The following AGPAT5 variants were observed in gnomAD, a reference collection of about 807,000 sequenced individuals.
The protein encoded by AGPAT5 is 1-acylglycerol-3-phosphate O-acyltransferase 5.
In AGPAT5, 46 loss-of-function variants were observed where a neutral mutation model predicts 45.6. The ratio of observed to expected loss-of-function variants is 1.01; its 90% confidence interval spans 0.80 to 1.29. The LOEUF is 1.29. AGPAT5 is among the 50% of genes most tolerant of loss of function. The pLI is 0.00. For synonymous variants in AGPAT5, 272 were observed against 167.0 expected (o/e 1.63, Z -4.85); for missense variants, 673 against 450.7 (o/e 1.49, Z -4.47).
intron 1 of AGPAT5, among the ~76,000 whole-genome samples, chr8:6,721,711 A>G (rs983179332): frequency 6.6e-6 from 1 of 152,208 alleles, no homozygotes; most frequent in African/African-American, 2.4e-5. Flanking sequence ...TTACAGTATA[A>G]GGGAGAGCAG....
Position 6,743,088 on chromosome 8 carries a change from C to G in AGPAT5, c.586+1337C>G, listed in dbSNP as rs777869279. Among the ~76,000 whole-genome samples, 52 of 152,206 alleles carry G rather than the reference C, an allele frequency of 3.4e-4. 1 individual carries two copies. The highest frequency in any genetic ancestry group is 3.7e-4 in the Non-Finnish European group (25 of 68,026). ...GTTTTGGTCTGATTTGAAATTCTCT[C>G]CCTAGACTTCTGTGGGGCTGTTCTC... is the stretch of plus-strand genomic sequence containing the variant. On this transcript the variant is annotated intron_variant, in intron 5 of 7. Coordinates refer to ENST00000285518, the MANE Select transcript of AGPAT5 (RefSeq NM_018361.5).
intron 1 of AGPAT5, among the ~76,000 whole-genome samples, chr8:6,723,168 T>C (rs1015207764): frequency 3.3e-5 from 5 of 152,130 alleles, no homozygotes; most frequent in Admixed American, 3.3e-4. Flanking sequence ...GTGACAAAAG[T>C]GTAAATAATT....
rs991249875 is a variant in AGPAT5 at position 6,743,466 on chromosome 8, T to C, written c.586+1715T>C. Among the ~76,000 whole-genome samples, 6 of 152,354 alleles carry C rather than the reference T, an allele frequency of 3.9e-5. No individual in the cohort carries two copies. In the East Asian group the frequency reaches 5.8e-4, roughly 15 times the overall value. On this transcript the variant is annotated intron_variant, in intron 5 of 7. Coordinates refer to ENST00000285518, the MANE Select transcript of AGPAT5 (RefSeq NM_018361.5). ...TCCATGCATACACTCATATTTCTTG[T>C]CTTGGTAACTCCATCATTCAGTTTT...
intron 1 of AGPAT5, 34 bp downstream of exon 1, chr8:6,708,921 C>A: frequency 6.4e-7 from 1 of 1,574,562 alleles, no homozygotes; most frequent in African/African-American, 1.3e-5. Flanking sequence ...TCTCGGCGTC[C>A]ACCCGAGCTC....
chr8:6,730,778 G>A lies in AGPAT5; in HGVS notation c.357G>A (p.Leu119=). The A allele has an allele frequency of 6.2e-7, 1 of 1,613,538 alleles. No individual in the cohort carries two copies. The highest frequency in any genetic ancestry group is 8.5e-7 in the Non-Finnish European group (1 of 1,179,636). Reference sequence around the variant, plus strand: ...CGCTAGGACATGTGCGCTACGTGCTGAAAGAAGGGTTAAAATGGCTGCCAT... The same window carrying A: ...CGCTAGGACATGTGCGCTACGTGCTAAAAGAAGGGTTAAAATGGCTGCCAT... ...QNALGHVRYV[L]KEGLKWLPLY... The change falls in exon 3 of 8, where the codon CTG becomes CTA. Residue 119 remains leucine, a synonymous_variant. Coordinates refer to ENST00000285518, the MANE Select transcript of AGPAT5 (RefSeq NM_018361.5).
At chr8:6,741,932 CTAT>C (rs1234256620) in intron 5 of AGPAT5, among the ~76,000 whole-genome samples, 181 bp downstream of exon 5, 2 of 152,090 alleles carry the variant, frequency 1.3e-5, no homozygotes, top group African/African-American at 4.8e-5. Flanking sequence ...CACTTTCATG[CTAT>C]TATTACATAT....
chr8:6,729,901 C>A (rs10088817), intron 2 of AGPAT5, among the ~76,000 whole-genome samples: 1 of 152,150 alleles, frequency 6.6e-6, no homozygotes, highest in African/African-American at 2.4e-5. Flanking sequence ...GCACATATAT[C>A]TACCCAGCAT....
At chr8:6,709,070 C>T (rs375998126) in intron 1 of AGPAT5, 183 bp downstream of exon 1, 265 of 710,250 alleles carry the variant, frequency 3.7e-4, no homozygotes, top group East Asian at 8.5e-4. Context: ...AGATCGCTCT[C>T]TAGGAAGCTG....
Position 6,747,810 on chromosome 8 carries a change from G to C in AGPAT5, c.727G>C (p.Glu243Gln). Residue 243 changes from glutamate (E) to glutamine (Q), a missense_variant, in exon 6 of 8, where the codon GAG becomes CAG. Glu to Gln is a conservative substitution (Grantham distance 29, BLOSUM62 2). Coordinates refer to ENST00000285518, the MANE Select transcript of AGPAT5 (RefSeq NM_018361.5). Reference sequence around the variant, plus strand: ...GAAAGACGATGGAGGGCAGCGAAGAGAGTCACCGACCATGACGGGTAAGTG... The same window carrying C: ...GAAAGACGATGGAGGGCAGCGAAGACAGTCACCGACCATGACGGGTAAGTG... ...EGKDDGGQRRESPTMTEFLCK... is the reference protein window; with the variant it reads ...EGKDDGGQRRQSPTMTEFLCK... 6 of 1,614,140 alleles carry C rather than the reference G, an allele frequency of 3.7e-6. No homozygotes were observed. Among genetic ancestry groups the C allele is most frequent in the Non-Finnish European group, 5.1e-6 (6 of 1,180,016 alleles).
At chr8:6,750,333 T>A (rs1801618865) in intron 6 of AGPAT5, among the ~76,000 whole-genome samples, 1 of 152,248 alleles carries the variant, frequency 6.6e-6, no homozygotes, top group African/African-American at 2.4e-5. Flanking sequence ...CTGCTTATCC[T>A]CTGCTACATG....
At position 6,708,692 on chromosome 8, in the gene AGPAT5, C is replaced by G. The variant is rs1586990082; in HGVS notation, c.24C>G (p.His8Gln). 6.2e-7 allele frequency: 1 copy of G among 1,603,366 alleles called. No individual in the cohort carries two copies. The highest frequency in any genetic ancestry group is 1.1e-5 in the South Asian group (1 of 90,716). ...AGATGCTGCTGTCCCTGGTGCTCCACACGTACTCCATGCGCTACCTGCTGC... is the reference window on the plus strand; with the variant it reads ...AGATGCTGCTGTCCCTGGTGCTCCAGACGTACTCCATGCGCTACCTGCTGC... MLLSLVLHTYSMRYLLPS... is the reference protein window; with the variant it reads MLLSLVLQTYSMRYLLPS... Residue 8 changes from histidine to glutamine, a missense_variant, in exon 1 of 8, where the codon CAC becomes CAG. Physicochemically the swap from His to Gln is conservative, Grantham distance 24. Transcript: ENST00000285518.
intron 6 of AGPAT5, among the ~76,000 whole-genome samples, chr8:6,748,656 C>T (rs919832310): frequency 6.6e-6 from 1 of 152,174 alleles, no homozygotes; most frequent in African/African-American, 2.4e-5. Context: ...ATGCGTGTGC[C>T]ACCATGCATG....
chr8:6,741,713 A>C lies in AGPAT5; in HGVS notation c.548A>C (p.Lys183Thr), dbSNP rs1376008659. ...EGTRYNPEQT[K>T]VLSASQAFAA... is the part of the protein sequence containing the mutation. ...ACAAGGTATAATCCAGAGCAAACAA[A>C]AGTCCTTTCAGCTAGTCAGGCATTT... Residue 183 changes from lysine (K) to threonine (T), a missense_variant, in exon 5 of 8, where the codon AAA becomes ACA. Transcript: ENST00000285518. 1 of 1,612,782 alleles carries C rather than the reference A, an allele frequency of 6.2e-7. No individual in the cohort carries two copies. Among genetic ancestry groups the C allele is most frequent in the Non-Finnish European group, 8.5e-7 (1 of 1,179,400 alleles).
intron 1 of AGPAT5, among the ~76,000 whole-genome samples, chr8:6,722,413 T>A (rs1310744613): frequency 1.3e-5 from 2 of 152,206 alleles, no homozygotes. Flanking sequence ...TTTTAAAAAA[T>A]CATGTTTCAA....
At chr8:6,711,627 C>G (rs1021147898) in intron 1 of AGPAT5, among the ~76,000 whole-genome samples, 7 of 152,192 alleles carry the variant, frequency 4.6e-5, no homozygotes, top group African/African-American at 1.7e-4. Flanking sequence ...CAGATCACCT[C>G]AAACTAAGCG....
chr8:6,715,030 A>T (rs1488717616), intron 1 of AGPAT5, among the ~76,000 whole-genome samples: 2 of 152,120 alleles, frequency 1.3e-5, no homozygotes, highest in East Asian at 3.8e-4. Context: ...TCAGTAAGGG[A>T]TCTCTAGAAC....
intron 6 of AGPAT5, among the ~76,000 whole-genome samples, chr8:6,748,407 G>C (rs1032606298): frequency 2.6e-5 from 4 of 152,184 alleles, no homozygotes; most frequent in African/African-American, 9.7e-5. Flanking sequence ...CATGGAAATA[G>C]GCAAACAGGG....
chr8:6,728,975 G>A (rs959020539), intron 2 of AGPAT5, among the ~76,000 whole-genome samples: 3 of 152,188 alleles, frequency 2.0e-5, no homozygotes, highest in Admixed American at 6.5e-5. Flanking sequence ...CACAGGTTGT[G>A]TCTGTCTCTG....
chr8:6,713,665 C>A (rs560513014), intron 1 of AGPAT5, among the ~76,000 whole-genome samples: 3 of 152,126 alleles, frequency 2.0e-5, no homozygotes, highest in Non-Finnish European at 2.9e-5. Flanking sequence ...GCGGTCCTCC[C>A]ACCTCAGCCT....
Sources: gnomAD v4.1 joint callset for allele counts (sites outside exome capture counted in the v4.1 genomes callset) on GRCh38, gnomAD v4.1.1 for gene constraint, MANE v1.5 for transcripts, NCBI Gene and HGNC (gene_info 2026-07-23, HGNC 2026-07-21) for gene names.